Variants in INPP5D observed in about 807,000 individuals in gnomAD.
INPP5D encodes phosphatidylinositol 3,4,5-trisphosphate 5-phosphatase 1.
INPP5D carries 33 observed loss-of-function variants against 122.9 expected under a neutral mutation model. The observed-to-expected ratio is 0.27, with a 90% confidence interval of 0.20 to 0.36. The LOEUF is 0.36. INPP5D is among the 10% of genes least tolerant of loss of function. The probability of loss-of-function intolerance (pLI) is 1.00; values close to 1 mark genes in which losing one functional copy is unlikely to be tolerated. For missense variants in INPP5D, 1,053 were observed against 1,412.7 expected, an observed-to-expected ratio of 0.75 and a Z score of 4.08; for synonymous variants, 584 against 576.2, an observed-to-expected ratio of 1.01 and a Z score of -0.19.
chr2:233,128,405 C>G lies in INPP5D; in HGVS notation c.525-2103C>G, dbSNP rs561334815. On this transcript the variant is annotated intron_variant, in intron 4 of 26. Coordinates refer to ENST00000445964, the MANE Select transcript of INPP5D (RefSeq NM_001017915.3). The surrounding 1 kb of genome is among the most constrained non-coding windows in gnomAD (Gnocchi z 4.5). ...ACTGGATTTTTATGATGTCAAGACC[C>G]AGAATAAATATAGAAGAACTTAAAT... is the stretch of plus-strand genomic sequence containing the variant. Among the ~76,000 whole-genome samples the G allele has an allele frequency of 1.1e-4, 16 of 152,272 alleles. No individual in the cohort carries two copies. Among genetic ancestry groups the G allele is most frequent in the African/African-American group, 3.9e-4 (16 of 41,556 alleles).
intron 5 of INPP5D, 111 bp downstream of exon 5, chr2:233,130,759 C>T (rs1693300991): frequency 3.5e-6 from 4 of 1,133,140 alleles, no homozygotes; most frequent in Non-Finnish European, 5.2e-6. Context: ...CTCTGCCGCA[C>T]TCACAATAAT....
rs1358560098 is a variant in INPP5D, at chr2:233,101,834, T to C, written c.199-20273T>C. Among the ~76,000 whole-genome samples, 3 of 151,114 alleles carry C rather than the reference T, an allele frequency of 2.0e-5. No homozygotes were observed. The East Asian group carries it at 5.8e-4, about 29-fold the overall frequency. On this transcript the variant is annotated intron_variant, in intron 2 of 26. Transcript: ENST00000445964. ...AAGTTAATCAGTTTTACCTCTTCCT[T>C]GTGATCAGGTTTGGGAAGGATGTTT...
Position 233,125,838 on chromosome 2 carries a change from A to T in INPP5D, c.443A>T (p.Glu148Val). 1.2e-6 allele frequency: 2 copies of T among 1,613,718 alleles called. No individual in the cohort carries two copies. Among genetic ancestry groups the T allele is most frequent in the East Asian group, 4.5e-5 (2 of 44,856 alleles). The change falls in exon 4 of 27, where the codon GAG (glutamate) becomes GTG (valine). Residue 148 changes from glutamate to valine, a missense_variant. Coordinates refer to ENST00000445964, the MANE Select transcript of INPP5D (RefSeq NM_001017915.3). ...CEAKEVPFSNENPRATETSRP... is the reference protein window; with the variant it reads ...CEAKEVPFSNVNPRATETSRP... ...GCCAAGGAGGTTCCTTTTTCAAACGAGAATCCCCGAGCGACCGAGACCAGC... is the reference window on the plus strand; with the variant it reads ...GCCAAGGAGGTTCCTTTTTCAAACGTGAATCCCCGAGCGACCGAGACCAGC...
Position 233,204,567 on chromosome 2 carries a change from G to A in INPP5D, c.3417G>A (p.Pro1139=). The A allele has an allele frequency of 6.4e-7, 1 of 1,566,080 alleles. No homozygotes were observed. Among genetic ancestry groups the A allele is most frequent in the Middle Eastern group, 1.7e-4 (1 of 6,012 alleles). ...AGCAGACCCCGCCCACCCCGACGCCGCGGCCGCCGCTGCCAGTCAAGAGCC... is the reference window on the plus strand; with the variant it reads ...AGCAGACCCCGCCCACCCCGACGCCACGGCCGCCGCTGCCAGTCAAGAGCC... ...INQQTPPTPT[P]RPPLPVKSPA... is the part of the protein sequence containing the mutation. Residue 1139 remains proline (P), a synonymous_variant, in exon 26 of 27, where the codon CCG becomes CCA. Coordinates refer to ENST00000445964, the MANE Select transcript of INPP5D (RefSeq NM_001017915.3).
chr2:233,070,701 A>G (rs1319241116), intron 1 of INPP5D, among the ~76,000 whole-genome samples: 1 of 151,890 alleles, frequency 6.6e-6, no homozygotes, highest in African/African-American at 2.4e-5. Context: ...TCGGCCTCCC[A>G]AAGTGCTGGG....
rs773738735 is a variant in INPP5D, at chr2:233,193,887, G to A, written c.2522G>A (p.Gly841Glu). The A allele has an allele frequency of 6.2e-6, 10 of 1,613,810 alleles. No individual in the cohort carries two copies. The change falls in exon 23 of 27, where the codon GGG (glycine) becomes GAG (glutamate). Residue 841 changes from glycine to glutamate, a missense_variant. Gly to Glu is a moderately conservative substitution (Grantham distance 98, BLOSUM62 -2). Around this residue, in one of 6 missense-constraint regions of INPP5D, gnomAD observed 258 missense variants for 439.1 expected, o/e 0.59. Transcript: ENST00000445964. ...LPIYTPLTHHGELTGHFQGEI... is the reference protein window; with the variant it reads ...LPIYTPLTHHEELTGHFQGEI... Reference sequence around the variant, plus strand: ...ATCTACACGCCTCTCACCCACCATGGGGAGTTGACAGGCCACTTCCAGGGG... The same window carrying A: ...ATCTACACGCCTCTCACCCACCATGAGGAGTTGACAGGCCACTTCCAGGGG...
intron 7 of INPP5D, 36 bp downstream of exon 7, chr2:233,146,278 C>T: frequency 2.8e-6 from 2 of 704,290 alleles, no homozygotes; most frequent in Non-Finnish European, 5.2e-6. Context: ...TCTTGGTCTC[C>T]TCTTTGGTCC....
In INPP5D at chr2:233,193,862, A is replaced by G. The variant is rs781117032; in HGVS notation, c.2497A>G (p.Ile833Val). ...AGAGGCCACAGAAACGCAGCTGCCC[A>G]TCTACACGCCTCTCACCCACCATGG... Reference protein sequence around the residue: ...RLEATETQLPIYTPLTHHGEL... With the variant: ...RLEATETQLPVYTPLTHHGEL... The change falls in exon 23 of 27, where the codon ATC becomes GTC. Residue 833 changes from isoleucine to valine, a missense_variant. Physicochemically the swap from Ile to Val is conservative, Grantham distance 29. Transcript: ENST00000445964. 3 of 1,613,894 alleles carry G rather than the reference A, an allele frequency of 1.9e-6. No individual in the cohort carries two copies. Among genetic ancestry groups the G allele is most frequent in the East Asian group, 2.2e-5 (1 of 44,874 alleles).
intron 17 of INPP5D, among the ~76,000 whole-genome samples, chr2:233,171,464 A>G (rs143172481): frequency 0.034 from 5,217 of 152,234 alleles, 156 homozygotes; most frequent in East Asian, 0.12. Context: ...GATCAAATAT[A>G]TTTACTAAAC....
At chr2:233,169,174 G>T (rs753211498) in intron 13 of INPP5D, 131 bp from the exon 14 acceptor site, 6 of 1,377,284 alleles carry the variant, frequency 4.4e-6, no homozygotes, top group African/African-American at 1.4e-5. Flanking sequence ...CACCCTGCAC[G>T]ACCCTGTTTC....
At position 233,122,254 on chromosome 2, in the gene INPP5D, A is replaced by G. The variant is rs760657897; in HGVS notation, c.346A>G (p.Thr116Ala). 3.7e-6 allele frequency: 6 copies of G among 1,613,354 alleles called. No individual in the cohort carries two copies. In the South Asian group the frequency reaches 5.5e-5, roughly 15 times the overall value. ...EDTGDDPEED[T>A]VESVVSPPEL... ...CACAGGCGACGACCCTGAGGAGGAC[A>G]CAGGTAGGGAGGGAGGGACAGGACG... The change falls in exon 3 of 27, where the codon ACA becomes GCA. Residue 116 changes from threonine to alanine, a missense_variant. Thr to Ala is a moderately conservative substitution (Grantham distance 58). Transcript: ENST00000445964.
intron 9 of INPP5D, among the ~76,000 whole-genome samples, chr2:233,153,029 G>C (rs1693959778): frequency 6.6e-6 from 1 of 152,190 alleles, no homozygotes; most frequent in South Asian, 2.1e-4. Flanking sequence ...AGGTGAACGG[G>C]GTGGGAACGT....
At chr2:233,141,750 C>T (rs2106274649) in intron 6 of INPP5D, 1 of 152,348 alleles carries the variant, frequency 6.6e-6, no homozygotes. Context: ...TGATGGAAGT[C>T]TCCACGAGGA....
Position 233,184,417 on chromosome 2 carries a change from C to G in INPP5D, c.2171C>G (p.Thr724Ser). Residue 724 changes from threonine (T) to serine (S), a missense_variant, in exon 20 of 27, where the codon ACT becomes AGT. This residue lies in a region of INPP5D where 258 missense variants were observed against 439.1 expected (regional missense o/e 0.59). Coordinates refer to ENST00000445964, the MANE Select transcript of INPP5D (RefSeq NM_001017915.3). ...SQFVSKNGPG[T>S]VDSQGQIEFL... Reference sequence around the variant, plus strand: ...TTCTCCCCTGTTCCAGGTCCCGGGACTGTTGACAGCCAAGGACAGATTGAG... The same window carrying G: ...TTCTCCCCTGTTCCAGGTCCCGGGAGTGTTGACAGCCAAGGACAGATTGAG... The G allele has an allele frequency of 5.0e-6, 8 of 1,613,990 alleles. No individual in the cohort carries two copies. The highest frequency in any genetic ancestry group is 5.9e-6 in the Non-Finnish European group (7 of 1,179,874).
intron 19 of INPP5D, 27 bp downstream of exon 19, chr2:233,182,526 CT>C: frequency 3.1e-6 from 5 of 1,610,822 alleles, no homozygotes; most frequent in Non-Finnish European, 4.2e-6. Context: ...GTCTGTTTCT[CT>C]GTTTTCCTCA....
At chr2:233,138,399 GA>G (rs1693554880) in intron 5 of INPP5D, among the ~76,000 whole-genome samples, 1 of 150,432 alleles carries the variant, frequency 6.6e-6, no homozygotes, top group Non-Finnish European at 1.5e-5. Flanking sequence ...TGGCAAGGGA[GA>G]AAAAACAAAA....
intron 4 of INPP5D, among the ~76,000 whole-genome samples, chr2:233,130,024 C>T (rs1378000738): frequency 6.6e-6 from 1 of 152,162 alleles, no homozygotes; most frequent in Admixed American, 6.5e-5. Context: ...GTCTCAGCCT[C>T]CCAAGTAGCT....
rs752719921 is a variant in INPP5D, at chr2:233,204,328, A to G, written c.3178A>G (p.Ile1060Val). The G allele has an allele frequency of 1.2e-6, 2 of 1,611,764 alleles. No individual in the cohort carries two copies. The highest frequency in any genetic ancestry group is 1.1e-5 in the South Asian group (1 of 90,872). The change falls in exon 26 of 27, where the codon ATC becomes GTC. Residue 1060 changes from isoleucine (I) to valine (V), a missense_variant. Physicochemically the swap from Ile to Val is conservative, Grantham distance 29. Transcript: ENST00000445964. ...CPEPGILSPS[I>V]VLTKAQEADR... ...GGAACCCGGCATCTTGTCGCCCAGC[A>G]TCGTGCTCACCAAAGCCCAGGAGGC... is the stretch of plus-strand genomic sequence containing the variant.
chr2:233,204,005 T>C (rs1286804329), intron 25 of INPP5D, 121 bp from the exon 26 acceptor site: 6 of 1,399,612 alleles, frequency 4.3e-6, no homozygotes, highest in African/African-American at 1.5e-5. Context: ...ATGTTACATG[T>C]CTCTATCTAG....
Sources: gnomAD v4.1 joint callset for allele counts (sites outside exome capture counted in the v4.1 genomes callset) on GRCh38, gnomAD v4.1.1 for gene constraint, gnomAD v4.1.1 regional missense constraint, Gnocchi (gnomAD v3.1) non-coding constraint, MANE v1.5 for transcripts, NCBI Gene and HGNC (gene_info 2026-07-23, HGNC 2026-07-21) for gene names.